KCNH7: variants seen among roughly 807,000 people sequenced by gnomAD.
The protein encoded by KCNH7 is potassium voltage-gated channel subfamily H member 7, also known as voltage-gated inwardly rectifying potassium channel KCNH7.
A neutral mutation model predicts 120.8 loss-of-function variants in KCNH7; 49 were observed. The ratio of observed to expected loss-of-function variants is 0.41; its 90% CI spans 0.32 to 0.51. KCNH7 has a LOEUF of 0.51. Ranked by LOEUF, KCNH7 falls within the 20% of genes least tolerant of loss-of-function variation. The pLI, the probability that KCNH7 is intolerant of heterozygous loss-of-function variation, is 0.38. For missense variants in KCNH7, 1,097 were observed against 1,446.6 expected, an observed-to-expected ratio of 0.76 and a Z score of 3.92; for synonymous variants, 547 against 516.1, an observed-to-expected ratio of 1.06 and a Z score of -0.81.
intron 3 of KCNH7, among the ~76,000 whole-genome samples, chr2:162,532,098 A>G (rs1299604593): frequency 1.3e-5 from 2 of 151,904 alleles, no homozygotes; most frequent in Non-Finnish European, 2.9e-5. Context: ...GAGTCAAATA[A>G]AAGTACCCGT....
chr2:162,466,934 A>G (rs1351901268), intron 6 of KCNH7, among the ~76,000 whole-genome samples: 1 of 152,210 alleles, frequency 6.6e-6, no homozygotes, highest in Non-Finnish European at 1.5e-5. Context: ...AGAGGCATCA[A>G]TGTAGTCAAC....
chr2:162,552,215 C>G (rs565053325), intron 2 of KCNH7, among the ~76,000 whole-genome samples: 2 of 152,274 alleles, frequency 1.3e-5, no homozygotes, highest in South Asian at 2.1e-4. Flanking sequence ...TGGCTCTGCT[C>G]TAATAGCTAG....
At chr2:162,504,856 A>C (rs1215338452) in intron 5 of KCNH7, among the ~76,000 whole-genome samples, 199 bp from the exon 6 acceptor site, 2 of 151,950 alleles carry the variant, frequency 1.3e-5, no homozygotes, top group Admixed American at 1.3e-4. Flanking sequence ...TGAGAATAAG[A>C]CTGGGTTCTA....
intron 2 of KCNH7, among the ~76,000 whole-genome samples, chr2:162,674,805 A>G (rs1685478560): frequency 6.6e-6 from 1 of 151,612 alleles, no homozygotes; most frequent in African/African-American, 2.4e-5. Context: ...TGAAAAATCA[A>G]TTCTAGGTAG....
chr2:162,669,454 C>T (rs1397660642), intron 2 of KCNH7, among the ~76,000 whole-genome samples: 1 of 152,156 alleles, frequency 6.6e-6, no homozygotes, highest in Non-Finnish European at 1.5e-5. Context: ...GAAAACAACT[C>T]TCAACATAGA....
chr2:162,832,782 G>A (rs1685522462), intron 2 of KCNH7, among the ~76,000 whole-genome samples: 1 of 151,996 alleles, frequency 6.6e-6, no homozygotes, highest in Non-Finnish European at 1.5e-5. Context: ...GTTTCTAGAA[G>A]GTCTTTCCAC....
At chr2:162,797,018 TAGA>T (rs1432428859) in intron 2 of KCNH7, 1 of 152,084 alleles carries the variant, frequency 6.6e-6, no homozygotes, top group African/African-American at 2.4e-5. Flanking sequence ...CAGGTCCATC[TAGA>T]AGAAGTACAA....
Position 162,517,975 on chromosome 2 carries a change from G to T in KCNH7, c.647C>A (p.Thr216Lys). Residue 216 changes from threonine to lysine, a missense_variant, in exon 4 of 16, where the codon ACA becomes AAA. Coordinates refer to ENST00000332142, the MANE Select transcript of KCNH7 (RefSeq NM_033272.4). ...ESCSPSEADD[T>K]KALIQPSKCS... ...TTTGCTGGGCTGTATCAAAGCTTTT[G>T]TGTCATCTGCTTCAGAGGGGCTGCA... The T allele has an allele frequency of 4.3e-6, 7 of 1,612,384 alleles. No individual in the cohort carries two copies. Among genetic ancestry groups the T allele is most frequent in the Non-Finnish European group, 5.9e-6 (7 of 1,178,858 alleles).
chr2:162,695,491 C>G (rs1201245954), intron 2 of KCNH7, among the ~76,000 whole-genome samples: 1 of 152,150 alleles, frequency 6.6e-6, no homozygotes, highest in Non-Finnish European at 1.5e-5. Context: ...ATTATAACGA[C>G]AAACCACTGC....
At chr2:162,438,732 G>T (rs180877395) in intron 7 of KCNH7, among the ~76,000 whole-genome samples, 1 of 152,064 alleles carries the variant, frequency 6.6e-6, no homozygotes, top group East Asian at 1.9e-4. Flanking sequence ...ATCAAATTGC[G>T]GCTAACACAT....
chr2:162,371,496 A>T lies in KCNH7; in HGVS notation c.*333T>A. On this transcript the variant is annotated 3_prime_UTR_variant, in exon 16 of 16. Transcript: ENST00000332142. ...TTGCGTGGAAGGCATTTTCATAACG[A>T]AGTACTGGTTTAGTAAAAGCAGTAA... The T allele has an allele frequency of 8.0e-7, 1 of 1,244,670 alleles. No individual in the cohort carries two copies. Among genetic ancestry groups the T allele is most frequent in the Non-Finnish European group, 1.0e-6 (1 of 967,584 alleles). The allele number at this position is 1,244,670 out of a possible 1,614,324, so 77.1% of individuals were successfully genotyped here. A position where few individuals can be genotyped will look rare whatever the true frequency, so the allele number is the denominator to read the frequency against.
intron 2 of KCNH7, among the ~76,000 whole-genome samples, chr2:162,708,579 T>C (rs1010067564): frequency 1.3e-5 from 2 of 152,032 alleles, no homozygotes; most frequent in African/African-American, 4.8e-5. Flanking sequence ...TCATCTTCTC[T>C]AAGGCCATTT....
At chr2:162,545,502 T>A (rs1311343952) in intron 2 of KCNH7, among the ~76,000 whole-genome samples, 1 of 152,092 alleles carries the variant, frequency 6.6e-6, no homozygotes, top group African/African-American at 2.4e-5. Flanking sequence ...TGCTGGGCCA[T>A]GAGAGGAAAG....
chr2:162,788,988 T>TAAAAAAAAA (rs61348204), intron 2 of KCNH7, among the ~76,000 whole-genome samples: 2 of 105,142 alleles, frequency 1.9e-5, no homozygotes, highest in Non-Finnish European at 3.8e-5. Flanking sequence ...AGGTACTGGT[T>TAAAAAAAAA]AAAAAAAAAA....
intron 2 of KCNH7, among the ~76,000 whole-genome samples, chr2:162,617,450 G>C (rs1683183468): frequency 6.6e-6 from 1 of 152,058 alleles, no homozygotes; most frequent in Non-Finnish European, 1.5e-5. Context: ...CTGCACTCCA[G>C]CCTGGGCGAC....
intron 7 of KCNH7, among the ~76,000 whole-genome samples, chr2:162,445,242 T>C (rs1688540295): frequency 6.6e-6 from 1 of 152,074 alleles, no homozygotes; most frequent in Admixed American, 6.6e-5. Context: ...GCAGGGTTCT[T>C]ATGTAGAAAA....
chr2:162,697,139 A>G (rs1686322480), intron 2 of KCNH7, among the ~76,000 whole-genome samples: 1 of 152,214 alleles, frequency 6.6e-6, no homozygotes. Context: ...GAATGTTAAC[A>G]TCACAAAAGA....
At chr2:162,617,454 G>C (rs1283680041) in intron 2 of KCNH7, among the ~76,000 whole-genome samples, 1 of 152,032 alleles carries the variant, frequency 6.6e-6, no homozygotes, top group Non-Finnish European at 1.5e-5. Context: ...ACTCCAGCCT[G>C]GGCGACAGAG....
intron 2 of KCNH7, among the ~76,000 whole-genome samples, chr2:162,622,972 C>A (rs577209367): frequency 6.6e-6 from 1 of 152,138 alleles, no homozygotes; most frequent in Non-Finnish European, 1.5e-5. Flanking sequence ...ATTCTATGAA[C>A]CTAATTAGCC....
Sources: allele counts gnomAD v4.1 joint callset (sites outside exome capture counted in the v4.1 genomes callset), GRCh38; gene constraint gnomAD v4.1.1; transcripts MANE v1.5; gene names NCBI Gene and HGNC (gene_info 2026-07-23, HGNC 2026-07-21).